Variants in PHF24 observed in about 807,000 individuals in gnomAD.
PHF24 encodes the protein Galpha inhibitory interacting protein.
In PHF24, 25 loss-of-function variants were observed where a neutral mutation model predicts 42.6. The ratio of observed to expected loss-of-function variants is 0.59; its 90% CI spans 0.43 to 0.82. The LOEUF is 0.82. Ranked by LOEUF, PHF24 falls within the 40% of genes least tolerant of loss-of-function variation. The pLI, the probability that PHF24 is intolerant of heterozygous loss-of-function variation, is 0.00. For synonymous variants in PHF24, 185 were observed against 204.8 expected (o/e 0.90, Z 0.83); for missense variants, 470 against 538.1 (o/e 0.87, Z 1.25).
chr9:34,712,605 T>C, the PHF24 span, among the ~76,000 whole-genome samples: 4 of 152,092 alleles, frequency 2.6e-5, no homozygotes, highest in Admixed American at 6.6e-5. Flanking sequence ...TCTGCTTGAG[T>C]CCTTTTTTTC....
At chr9:34,713,889 T>C in the PHF24 span, among the ~76,000 whole-genome samples, 1 of 151,720 alleles carries the variant, frequency 6.6e-6, no homozygotes, top group East Asian at 1.9e-4. Context: ...AGGGAAACCA[T>C]AGGAAGAGGA....
the PHF24 span, among the ~76,000 whole-genome samples, chr9:34,839,440 A>C: frequency 6.6e-6 from 1 of 152,182 alleles, no homozygotes; most frequent in Non-Finnish European, 1.5e-5. Flanking sequence ...CTCAGGACTC[A>C]TCACTCCTAT....
the PHF24 span, among the ~76,000 whole-genome samples, chr9:34,943,191 T>TTTTG: frequency 3.9e-5 from 6 of 152,260 alleles, no homozygotes; most frequent in Admixed American, 2.0e-4. Flanking sequence ...GGTACTGTTT[T>TTTTG]TTTGTTTGTT....
At chr9:34,936,796 C>A in the PHF24 span, among the ~76,000 whole-genome samples, 1 of 150,820 alleles carries the variant, frequency 6.6e-6, no homozygotes, top group Non-Finnish European at 1.5e-5. Flanking sequence ...CTCTGCCCAG[C>A]CGCCCCGTCT....
the PHF24 span, chr9:34,725,040 G>A: frequency 1.5e-3 from 2,275 of 1,551,818 alleles, no homozygotes; most frequent in Non-Finnish European, 1.8e-3. Flanking sequence ...ATAACTTTGT[G>A]ATGCAGGTCC....
At chr9:34,872,478 T>G in the PHF24 span, among the ~76,000 whole-genome samples, 3 of 151,022 alleles carry the variant, frequency 2.0e-5, no homozygotes, top group African/African-American at 7.3e-5. Flanking sequence ...GTTCTTGCGA[T>G]AGTTTACTGA....
the PHF24 span, among the ~76,000 whole-genome samples, chr9:34,825,283 AGGACTCTC>A: frequency 1.4e-5 from 2 of 145,384 alleles, no homozygotes; most frequent in Non-Finnish European, 3.1e-5. Context: ...GCTGCTGAAG[AGGACTCTC>A]TTCCTGACCC....
chr9:34,686,545 A>G, the PHF24 span, among the ~76,000 whole-genome samples: 1 of 152,210 alleles, frequency 6.6e-6, no homozygotes, highest in Non-Finnish European at 1.5e-5. Flanking sequence ...GATGAGGCCC[A>G]ACCTCTCCCT....
chr9:34,696,360 T>TG, the PHF24 span, among the ~76,000 whole-genome samples: 4 of 151,680 alleles, frequency 2.6e-5, no homozygotes, highest in Admixed American at 6.6e-5. Context: ...CGCTGGCGAG[T>TG]GCCTGTAATC....
At chr9:34,864,538 A>C in the PHF24 span, among the ~76,000 whole-genome samples, 1 of 152,216 alleles carries the variant, frequency 6.6e-6, no homozygotes, top group Admixed American at 6.5e-5. Flanking sequence ...CTAGAATAGA[A>C]TAGCTGGTGA....
the PHF24 span, chr9:34,832,870 C>G: frequency 1.3e-6 from 2 of 1,551,672 alleles, no homozygotes; most frequent in Non-Finnish European, 1.7e-6. Context: ...TGACAGTTAG[C>G]TTGGTTTGAC....
the PHF24 span, among the ~76,000 whole-genome samples, chr9:34,842,473 G>A: frequency 1.3e-5 from 2 of 152,170 alleles, no homozygotes; most frequent in Non-Finnish European, 2.9e-5. Context: ...TGGAGCTTTT[G>A]GGGAGGTGAT....
chr9:34,789,700 T>C, the PHF24 span, among the ~76,000 whole-genome samples: 1 of 152,182 alleles, frequency 6.6e-6, no homozygotes, highest in Non-Finnish European at 1.5e-5. Flanking sequence ...CAAAATTAAA[T>C]GGAACTGTCA....
the PHF24 span, among the ~76,000 whole-genome samples, chr9:34,804,460 G>A: frequency 6.6e-6 from 1 of 152,120 alleles, no homozygotes; most frequent in Non-Finnish European, 1.5e-5. Context: ...AGCATTAAAC[G>A]ATTTTGTAAT....
At chr9:34,878,388 A>C in the PHF24 span, among the ~76,000 whole-genome samples, 1 of 152,288 alleles carries the variant, frequency 6.6e-6, no homozygotes, top group Non-Finnish European at 1.5e-5. Context: ...GGTGCAGCCC[A>C]TGGAGTGTGA....
the PHF24 span, among the ~76,000 whole-genome samples, chr9:34,695,725 G>T: frequency 6.6e-6 from 1 of 152,214 alleles, no homozygotes; most frequent in Non-Finnish European, 1.5e-5. Context: ...TTGGTGGGGA[G>T]AAATCCCCAC....
chr9:34,873,088 T>C, the PHF24 span, among the ~76,000 whole-genome samples: 2 of 149,922 alleles, frequency 1.3e-5, no homozygotes, highest in Non-Finnish European at 3.0e-5. Context: ...GAGTTCATTG[T>C]AGATTCTGGA....
chr9:34,875,304 T>C, the PHF24 span, among the ~76,000 whole-genome samples: 1 of 152,226 alleles, frequency 6.6e-6, no homozygotes, highest in Non-Finnish European at 1.5e-5. Flanking sequence ...CTTTTAGAGG[T>C]AACCAACTTT....
At chr9:34,860,520 T>A in the PHF24 span, among the ~76,000 whole-genome samples, 1 of 152,230 alleles carries the variant, frequency 6.6e-6, no homozygotes, top group East Asian at 1.9e-4. Context: ...TTCATTTATT[T>A]TCCTTTGTTG....
Sources: gnomAD v4.1 joint callset for allele counts (sites outside exome capture counted in the v4.1 genomes callset) on GRCh38, gnomAD v4.1.1 for gene constraint, MANE v1.5 for transcripts, NCBI Gene and HGNC (gene_info 2026-07-23, HGNC 2026-07-21) for gene names.